Variants in POTEB2 observed in about 807,000 individuals in gnomAD.
The protein encoded by POTEB2 is POTE ankyrin domain family, member B2.
A neutral mutation model predicts 1.8 loss-of-function variants in POTEB2; 1 was observed. The ratio of observed to expected loss-of-function variants is 0.55; its 90% CI spans 0.20 to 2.62. The LOEUF is 2.62. POTEB2 is among the 30% of genes most tolerant of loss of function. The pLI, the probability that POTEB2 is intolerant of heterozygous loss-of-function variation, is 0.24.
chr15:20,862,627 T>C (rs375381630), intron 1 of POTEB2, among the ~76,000 whole-genome samples: 5,058 of 91,224 alleles, frequency 0.055, 58 homozygotes, highest in African/African-American at 0.2. Flanking sequence ...ATTTCATTAC[T>C]CAGGTGTTAA....
chr15:20,843,560 T>C (rs1249726241), intron 9 of POTEB2, among the ~76,000 whole-genome samples: 1 of 60,300 alleles, frequency 1.7e-5, no homozygotes, highest in African/African-American at 6.8e-5. Context: ...CTAGATTTAT[T>C]ACAGAAAAAA....
chr15:20,858,172 C>A lies in POTEB2; in HGVS notation c.745G>T (p.Glu249Ter). The A allele has an allele frequency of 1.3e-5, 5 of 395,188 alleles. 1 individual carries two copies. Among genetic ancestry groups the A allele is most frequent in the Non-Finnish European group, 1.6e-5 (5 of 314,604 alleles). 24.5% of individuals were successfully genotyped at this position (395,188 alleles called of 1,614,324 possible). ...TTCTTGATTAAAAATTTCACCACTT[C>A]CTGTTTTTGTTCATGTACGCCAAGC... ...LLLGVHEQKQEVVKFLIKKKA... is the reference protein window; with the variant it reads ...LLLGVHEQKQ Residue 249 changes from glutamate (E) to a stop codon, truncating the protein, a stop_gained, in exon 4 of 11, where the codon GAA becomes TAA. Coordinates refer to ENST00000454856, the MANE Select transcript of POTEB2 (RefSeq NM_001277303.1). LOFTEE classifies it high-confidence loss of function.
chr15:20,858,129 G>A lies in POTEB2; in HGVS notation c.788C>T (p.Ala263Val). The A allele has an allele frequency of 3.9e-6, 1 of 256,032 alleles. No homozygotes were observed. The highest frequency in any genetic ancestry group is 4.9e-6 in the Non-Finnish European group (1 of 203,880). The allele number at this position is 256,032 out of a possible 1,614,324, so 15.9% of individuals were successfully genotyped here. A position where few individuals can be genotyped will look rare whatever the true frequency, so the allele number is the denominator to read the frequency against. Residue 263 changes from alanine (A) to valine (V), a missense_variant, in exon 4 of 11, where the codon GCA (alanine) becomes GTA (valine). By Grantham distance (64) the Ala-to-Val change is moderately conservative. Coordinates refer to ENST00000454856, the MANE Select transcript of POTEB2 (RefSeq NM_001277303.1). ...FLIKKKANLNALDRYGRTALI... is the reference protein window; with the variant it reads ...FLIKKKANLNVLDRYGRTALI... ...ACCATACCTTCCATATCTATCAAGTGCATTTAAATTAGCTTTTTTCTTGAT... is the reference window on the plus strand; with the variant it reads ...ACCATACCTTCCATATCTATCAAGTACATTTAAATTAGCTTTTTTCTTGAT...
At chr15:20,860,439 AAAC>A (rs1292023182) in intron 3 of POTEB2, among the ~76,000 whole-genome samples, 2 of 29,498 alleles carry the variant, frequency 6.8e-5, no homozygotes, top group African/African-American at 2.0e-4. Flanking sequence ...ACACACACAC[AAAC>A]AAAAACAAAA....
At chr15:20,835,988 AT>A in intron 10 of POTEB2, among the ~76,000 whole-genome samples, 1 of 11,426 alleles carries the variant, frequency 8.8e-5, no homozygotes, top group Non-Finnish European at 1.2e-4. Context: ...CTATGCATAT[AT>A]TAGGACAGAA....
At position 20,860,402 on chromosome 15, in the gene POTEB2, AACACAC is replaced by A. The variant is rs377606137; in HGVS notation, c.699+634_699+639del. 9.5e-4 allele frequency among the ~76,000 whole-genome samples: 40 copies of A among 42,280 alleles called. 1 individual carries two copies. The highest frequency in any genetic ancestry group is 9.3e-3 in the Middle Eastern group (1 of 108). 27.7% of individuals were successfully genotyped at this position (42,280 alleles called of 152,430 possible). A position where few individuals can be genotyped will look rare whatever the true frequency, so the allele number is the denominator to read the frequency against. Reference sequence around the variant, plus strand: ...AAACAAATGAATGAACAACAATAACAACACACACACACACACACACACACACACACA... The same window carrying A: ...AAACAAATGAATGAACAACAATAACAACACACACACACACACACACACACA... On this transcript the variant is annotated intron_variant, in intron 3 of 10. Coordinates refer to ENST00000454856, the MANE Select transcript of POTEB2 (RefSeq NM_001277303.1).
At chr15:20,836,392 C>CATACAA (rs748147690) in intron 10 of POTEB2, among the ~76,000 whole-genome samples, 1 of 81,254 alleles carries the variant, frequency 1.2e-5, no homozygotes, top group Non-Finnish European at 2.5e-5. Context: ...AATACACACA[C>CATACAA]ACACACACAC....
intron 9 of POTEB2, among the ~76,000 whole-genome samples, chr15:20,839,932 G>GTA (rs1555393688): frequency 9.8e-6 from 1 of 101,776 alleles, no homozygotes; most frequent in African/African-American, 4.0e-5. Context: ...ATGTATGTAT[G>GTA]TATACCTGAG....
chr15:20,839,174 T>C, intron 9 of POTEB2, among the ~76,000 whole-genome samples: 1 of 101,354 alleles, frequency 9.9e-6, no homozygotes, highest in East Asian at 3.5e-4. Context: ...GGCAAATAAT[T>C]TATGATGAGG....
intron 10 of POTEB2, among the ~76,000 whole-genome samples, chr15:20,836,387 AC>A (rs1595297746): frequency 1.8e-5 from 1 of 56,172 alleles, no homozygotes; most frequent in South Asian, 1.2e-3. Context: ...TCTAGAATAC[AC>A]ACACACACAC....
At chr15:20,839,880 A>AT (rs1356793688) in intron 9 of POTEB2, among the ~76,000 whole-genome samples, 1 of 1,132 alleles carries the variant, frequency 8.8e-4, no homozygotes, top group East Asian at 0.17. Flanking sequence ...ATATATATAT[A>AT]TATATATATA....
At chr15:20,839,898 A>ATATATATTAAAGAAAAT (rs1889431369) in intron 9 of POTEB2, among the ~76,000 whole-genome samples, 1 of 49,612 alleles carries the variant, frequency 2.0e-5, no homozygotes, top group South Asian at 9.2e-4. Context: ...ATATATATAT[A>ATATATATTAAAGAAAAT]TATATATATA....
At chr15:20,839,156 T>C (rs1456577163) in intron 9 of POTEB2, among the ~76,000 whole-genome samples, 1 of 90,010 alleles carries the variant, frequency 1.1e-5, no homozygotes, top group African/African-American at 5.5e-5. Flanking sequence ...CCAGAAGACA[T>C]TAGCCTAGGC....
At chr15:20,836,384 T>TAAAC (rs1889374186) in intron 10 of POTEB2, among the ~76,000 whole-genome samples, 1 of 55,704 alleles carries the variant, frequency 1.8e-5, no homozygotes, top group African/African-American at 5.3e-5. Context: ...CCATCTAGAA[T>TAAAC]ACACACACAC....
In POTEB2 at chr15:20,839,890, A is replaced by ATATATATATTAAAGAAAAT. The variant is rs1555393680; in HGVS notation, c.1299-2524_1299-2523insATTTTCTTTAATATATATA. Among the ~76,000 whole-genome samples, 16 of 2,594 alleles carry ATATATATATTAAAGAAAAT rather than the reference A, an allele frequency of 6.2e-3. 1 individual carries two copies. The highest frequency in any genetic ancestry group is 0.062 in the South Asian group (2 of 32). 1.7% of individuals were successfully genotyped at this position (2,594 alleles called of 152,430 possible). ...AAATTATATATATATATATATATAT[A>ATATATATATTAAAGAAAAT]TATATATATATATATATATATATAT... is the stretch of plus-strand genomic sequence containing the variant. On this transcript the variant is annotated intron_variant, in intron 9 of 10. Coordinates refer to ENST00000454856, the MANE Select transcript of POTEB2 (RefSeq NM_001277303.1).
At chr15:20,860,460 CAAAAA>C (rs1195187918) in intron 3 of POTEB2, among the ~76,000 whole-genome samples, 2 of 34,014 alleles carry the variant, frequency 5.9e-5, no homozygotes, top group African/African-American at 1.6e-4. Flanking sequence ...AAAACAAAAA[CAAAAA>C]AAAACCTCTT....
intron 9 of POTEB2, among the ~76,000 whole-genome samples, chr15:20,839,868 TTA>T (rs749566271): frequency 6.4e-4 from 7 of 10,940 alleles, no homozygotes; most frequent in East Asian, 2.1e-3. Flanking sequence ...ATAAAGAAAA[TTA>T]TATATATATA....
intron 1 of POTEB2, among the ~76,000 whole-genome samples, chr15:20,862,480 AT>A (rs1889688465): frequency 3.8e-5 from 1 of 26,226 alleles, no homozygotes; most frequent in Non-Finnish European, 7.7e-5. Flanking sequence ...ACTGTTATAA[AT>A]TTTCTCTTTT....
At chr15:20,839,327 T>C (rs1431305820) in intron 9 of POTEB2, among the ~76,000 whole-genome samples, 2 of 82,302 alleles carry the variant, frequency 2.4e-5, no homozygotes, top group Non-Finnish European at 4.4e-5. Context: ...GGGGAAAATA[T>C]GGGCAAATTA....
Sources: gnomAD v4.1 joint callset for allele counts (sites outside exome capture counted in the v4.1 genomes callset) on GRCh38, gnomAD v4.1.1 for gene constraint, MANE v1.5 for transcripts, NCBI Gene and HGNC (gene_info 2026-07-23, HGNC 2026-07-21) for gene names.